HTR1E: variants seen among roughly 807,000 people sequenced by gnomAD.
HTR1E encodes the protein 5-hydroxytryptamine receptor 1E.
HTR1E carries 3 observed loss-of-function variants against 3.4 expected under a neutral mutation model. The observed-to-expected ratio is 0.89, with a 90% CI of 0.41 to 2.31. The LOEUF is 2.31. Among genes scored for constraint, HTR1E ranks in the 30% most tolerant of loss-of-function variants. HTR1E has a pLI of 0.05. For missense variants in HTR1E, 392 were observed against 467.0 expected, an observed-to-expected ratio of 0.84 and a Z score of 1.48; for synonymous variants, 170 against 182.8, an observed-to-expected ratio of 0.93 and a Z score of 0.56.
At chr6:86,971,290 A>C (rs1193505333) in intron 1 of HTR1E, 2 of 281,982 alleles carry the variant, frequency 7.1e-6, no homozygotes, top group Non-Finnish European at 1.4e-5. Flanking sequence ...AACAGCACAT[A>C]TCAAATACTT....
chr6:86,954,854 G>T (rs1767299129), intron 1 of HTR1E, among the ~76,000 whole-genome samples: 1 of 152,110 alleles, frequency 6.6e-6, no homozygotes, highest in Non-Finnish European at 1.5e-5. Flanking sequence ...AGTCAAATTT[G>T]GTCTGCAGCA....
chr6:87,009,690 G>A (rs1348936973), intron 1 of HTR1E, among the ~76,000 whole-genome samples: 4 of 146,526 alleles, frequency 2.7e-5, no homozygotes, highest in South Asian at 2.2e-4. Context: ...CGGGCGGGGG[G>A]CCGACCCCCC....
intron 1 of HTR1E, among the ~76,000 whole-genome samples, chr6:86,952,496 C>G (rs1241904566): frequency 7.1e-6 from 1 of 141,396 alleles, no homozygotes; most frequent in East Asian, 2.0e-4. Flanking sequence ...TACACACACA[C>G]AGACACACAC....
intron 1 of HTR1E, among the ~76,000 whole-genome samples, chr6:86,938,995 G>T (rs909660189): frequency 2.0e-5 from 3 of 152,172 alleles, no homozygotes; most frequent in Admixed American, 1.3e-4. Flanking sequence ...GGCAAAGCAG[G>T]CACGTGGGTC....
In HTR1E at chr6:87,002,112, G is replaced by A. The variant is rs142655882; in HGVS notation, c.-185-13038G>A. Reference sequence around the variant, plus strand: ...ATGCACCCAACACTGGAGTGTGTTCGGAATTTATTCCTTCCGGTAGGTTCT... The same window carrying A: ...ATGCACCCAACACTGGAGTGTGTTCAGAATTTATTCCTTCCGGTAGGTTCT... On this transcript the variant is annotated intron_variant, in intron 1 of 1. Coordinates refer to ENST00000305344, the MANE Select transcript of HTR1E (RefSeq NM_000865.3). 1.2e-4 allele frequency among the ~76,000 whole-genome samples: 18 copies of A among 152,298 alleles called. No individual in the cohort carries two copies. In the South Asian group the frequency reaches 2.1e-3, roughly 18 times the overall value.
At chr6:86,955,863 T>C (rs1279480696) in intron 1 of HTR1E, among the ~76,000 whole-genome samples, 1 of 152,056 alleles carries the variant, frequency 6.6e-6, no homozygotes, top group Non-Finnish European at 1.5e-5. Context: ...ATCTCAATAT[T>C]GTAAACCAAA....
At position 86,988,854 on chromosome 6, in the gene HTR1E, A is replaced by T. The variant is rs193272175; in HGVS notation, c.-185-26296A>T. On this transcript the variant is annotated intron_variant, in intron 1 of 1. Transcript: ENST00000305344. ...AATAAGCCAAGAAAAGAGAAAGATG[A>T]CTAAATATCAACATAAGAGCCAAGT... Among the ~76,000 whole-genome samples the T allele has an allele frequency of 2.0e-3, 299 of 152,290 alleles. 1 individual carries two copies. The highest frequency in any genetic ancestry group is 6.9e-3 in the African/African-American group (286 of 41,548).
At chr6:86,940,915 T>A (rs1459072883) in intron 1 of HTR1E, among the ~76,000 whole-genome samples, 1 of 152,278 alleles carries the variant, frequency 6.6e-6, no homozygotes, top group Admixed American at 6.5e-5. Context: ...TCATGCTTTA[T>A]GCTCCTTTCT....
chr6:86,954,068 A>C (rs1767288388), intron 1 of HTR1E, among the ~76,000 whole-genome samples: 1 of 152,222 alleles, frequency 6.6e-6, no homozygotes, highest in Non-Finnish European at 1.5e-5. Flanking sequence ...GGGTGGGGAC[A>C]CAAATACAAA....
intron 1 of HTR1E, among the ~76,000 whole-genome samples, chr6:86,951,529 A>G (rs1489831861): frequency 6.6e-6 from 1 of 152,188 alleles, no homozygotes; most frequent in Non-Finnish European, 1.5e-5. Context: ...CTGTGACTCT[A>G]TTGATTTATA....
At chr6:87,014,028 C>T (rs901904425) in intron 1 of HTR1E, among the ~76,000 whole-genome samples, 3 of 152,056 alleles carry the variant, frequency 2.0e-5, no homozygotes, top group Non-Finnish European at 4.4e-5. Flanking sequence ...CCAGACACCA[C>T]ATGTTCTCAC....
At chr6:86,956,883 A>G (rs1767333461) in intron 1 of HTR1E, among the ~76,000 whole-genome samples, 1 of 152,244 alleles carries the variant, frequency 6.6e-6, no homozygotes, top group Non-Finnish European at 1.5e-5. Context: ...GAGTCTTATG[A>G]GAATAAAATG....
intron 1 of HTR1E, among the ~76,000 whole-genome samples, chr6:86,964,433 T>C (rs1767446805): frequency 6.6e-6 from 1 of 152,232 alleles, no homozygotes; most frequent in South Asian, 2.1e-4. Flanking sequence ...AATCACACTC[T>C]GTGGCAAGAT....
chr6:86,988,750 A>C (rs916762486), intron 1 of HTR1E, among the ~76,000 whole-genome samples: 1 of 152,160 alleles, frequency 6.6e-6, no homozygotes, highest in African/African-American at 2.4e-5. Flanking sequence ...AACATGCATA[A>C]ATGTGAGAAA....
chr6:86,956,336 C>CCTG (rs1480510717), intron 1 of HTR1E, among the ~76,000 whole-genome samples: 1 of 152,102 alleles, frequency 6.6e-6, no homozygotes, highest in African/African-American at 2.4e-5. Context: ...CTCTCTGAAG[C>CCTG]CTGCTACTTG....
chr6:86,995,693 A>G (rs56833137), intron 1 of HTR1E, among the ~76,000 whole-genome samples: 14,497 of 124,708 alleles, frequency 0.12, 973 homozygotes, highest in East Asian at 0.25. Flanking sequence ...AAAAAGAAAA[A>G]AAAAAAAAAA....
At chr6:87,003,770 T>G (rs1429164635) in intron 1 of HTR1E, among the ~76,000 whole-genome samples, 1 of 151,178 alleles carries the variant, frequency 6.6e-6, no homozygotes, top group Non-Finnish European at 1.5e-5. Flanking sequence ...ATAATAAAGA[T>G]CAGAGCAGAA....
intron 1 of HTR1E, among the ~76,000 whole-genome samples, chr6:87,014,123 CG>C (rs1029519855): frequency 6.6e-6 from 1 of 151,650 alleles, no homozygotes; most frequent in Non-Finnish European, 1.5e-5. Context: ...GGTCGGGGGA[CG>C]GGGGAGTGAT....
intron 1 of HTR1E, among the ~76,000 whole-genome samples, chr6:86,997,088 A>T (rs1032886306): frequency 6.6e-6 from 1 of 151,982 alleles, no homozygotes; most frequent in Non-Finnish European, 1.5e-5. Flanking sequence ...ATAGAAGAAA[A>T]ATCACATGAT....
Sources: gnomAD v4.1 joint callset for allele counts (sites outside exome capture counted in the v4.1 genomes callset) on GRCh38, gnomAD v4.1.1 for gene constraint, MANE v1.5 for transcripts, NCBI Gene and HGNC (gene_info 2026-07-23, HGNC 2026-07-21) for gene names.